The following RPS6KA5 variants were observed in gnomAD, a reference collection of about 807,000 sequenced individuals.
RPS6KA5 encodes ribosomal protein S6 kinase alpha-5.
RPS6KA5 carries 27 observed loss-of-function variants against 85.5 expected under a neutral mutation model. The observed-to-expected ratio is 0.32, with a 90% CI of 0.23 to 0.44. The LOEUF (loss-of-function observed/expected upper bound fraction) is 0.44. RPS6KA5 is among the 20% of genes least tolerant of loss of function. RPS6KA5 has a pLI of 1.00. For missense variants in RPS6KA5, 811 were observed against 980.9 expected, an observed-to-expected ratio of 0.83 and a Z score of 2.31; for synonymous variants, 334 against 348.2, an observed-to-expected ratio of 0.96 and a Z score of 0.46.
rs1477429043 is a variant in RPS6KA5, at chr14:91,044,364, AG to A, written c.103+15967del. Among the ~76,000 whole-genome samples the A allele has an allele frequency of 4.1e-3, 57 of 13,876 alleles. 5 individuals carry two copies. The highest frequency in any genetic ancestry group is 0.038 in the East Asian group (4 of 106). The allele number at this position is 13,876 out of a possible 152,430, so 9.1% of individuals were successfully genotyped here. A position where few individuals can be genotyped will look rare whatever the true frequency, so the allele number is the denominator to read the frequency against. On this transcript the variant is annotated intron_variant, in intron 1 of 16. Transcript: ENST00000614987. The stretch of plus-strand genomic sequence containing the variant: ...CAAAGAAAGAAAGAAAGAAAGAAAG[AG>A]AAAGAAAGAAGGAAAGAAAGAAAGA...
chr14:90,950,885 C>G (rs1319262003), intron 3 of RPS6KA5, among the ~76,000 whole-genome samples: 1 of 152,078 alleles, frequency 6.6e-6, no homozygotes, highest in African/African-American at 2.4e-5. Flanking sequence ...CTTTGGGAGG[C>G]TGAGGCAGGC....
chr14:91,044,044 T>C (rs2042704257), intron 1 of RPS6KA5, among the ~76,000 whole-genome samples: 2 of 151,884 alleles, frequency 1.3e-5, no homozygotes, highest in African/African-American at 4.8e-5. Flanking sequence ...CTGGCCAATA[T>C]GGTGAAACCC....
At chr14:90,930,133 A>AATC (rs1447428150) in intron 5 of RPS6KA5, among the ~76,000 whole-genome samples, 1 of 152,182 alleles carries the variant, frequency 6.6e-6, no homozygotes. Context: ...CAGCTTCCCA[A>AATC]AGTGCTGAGA....
At chr14:91,056,524 G>A (rs1206585323) in intron 1 of RPS6KA5, among the ~76,000 whole-genome samples, 1 of 152,146 alleles carries the variant, frequency 6.6e-6, no homozygotes, top group Admixed American at 6.5e-5. Context: ...ACAGTAGTGG[G>A]GAAGAATAAA....
At chr14:91,000,501 A>C (rs2040737557) in intron 2 of RPS6KA5, among the ~76,000 whole-genome samples, 1 of 152,158 alleles carries the variant, frequency 6.6e-6, no homozygotes, top group Non-Finnish European at 1.5e-5. Flanking sequence ...TGATTTTTTA[A>C]AATATTGTGT....
At chr14:90,985,151 C>G (rs928115776) in intron 2 of RPS6KA5, among the ~76,000 whole-genome samples, 1 of 152,158 alleles carries the variant, frequency 6.6e-6, no homozygotes, top group Non-Finnish European at 1.5e-5. Flanking sequence ...CCATGTTAGT[C>G]AGGCTGGTCT....
In RPS6KA5 at chr14:91,030,423, T is replaced by C. The variant is rs563865983; in HGVS notation, c.104-29264A>G. Among the ~76,000 whole-genome samples the C allele has an allele frequency of 1.4e-4, 22 of 151,828 alleles. No individual in the cohort carries two copies. In the East Asian group the frequency reaches 4.3e-3, roughly 29 times the overall value. On this transcript the variant is annotated intron_variant, in intron 1 of 16. Transcript: ENST00000614987. ...TCCAGAGGATCCTTTTATGGAAAAATGAACAAACTTGGGTAAAAGTTGTTG... is the reference window on the plus strand; with the variant it reads ...TCCAGAGGATCCTTTTATGGAAAAACGAACAAACTTGGGTAAAAGTTGTTG...
intron 3 of RPS6KA5, among the ~76,000 whole-genome samples, chr14:90,952,384 C>T (rs901131329): frequency 6.6e-6 from 1 of 152,164 alleles, no homozygotes; most frequent in African/African-American, 2.4e-5. Context: ...GGGAATCTTC[C>T]CCCTCAGTAC....
At chr14:91,036,420 G>T (rs2042412812) in intron 1 of RPS6KA5, among the ~76,000 whole-genome samples, 1 of 152,154 alleles carries the variant, frequency 6.6e-6, no homozygotes, top group Non-Finnish European at 1.5e-5. Flanking sequence ...TCCTTTATTT[G>T]TAACAGGATG....
At position 90,853,713 on chromosome 14, in the gene RPS6KA5, C is replaced by T. The variant is rs2032134859; in HGVS notation, c.*18361G>A. ...CCTAAAATTTAACACTATGAAGTCTCTATATTAAATCAAAATCGTAACCAT... is the reference window on the plus strand; with the variant it reads ...CCTAAAATTTAACACTATGAAGTCTTTATATTAAATCAAAATCGTAACCAT... On this transcript the variant is annotated 3_prime_UTR_variant, in exon 17 of 17. Coordinates refer to ENST00000614987, the MANE Select transcript of RPS6KA5 (RefSeq NM_004755.4). The T allele has an allele frequency of 6.6e-6, 1 of 150,520 alleles. No individual in the cohort carries two copies. The highest frequency in any genetic ancestry group is 2.1e-4 in the South Asian group (1 of 4,722). The allele number at this position is 150,520 out of a possible 1,614,324, so 9.3% of individuals were successfully genotyped here.
intron 1 of RPS6KA5, among the ~76,000 whole-genome samples, chr14:91,039,837 G>A (rs975407140): frequency 4.6e-5 from 7 of 152,086 alleles, no homozygotes; most frequent in Admixed American, 3.3e-4. Flanking sequence ...ACATAGGTGT[G>A]CTGTGAAAAT....
rs1386555989 is a variant in RPS6KA5 at position 90,849,850 on chromosome 14, G to A, written c.*22224C>T. ...TGTCCTCAAACCTGACGTAGTAAAG[G>A]AAAATCAACACATTGTCTCACAGCT... On this transcript the variant is annotated 3_prime_UTR_variant, in exon 17 of 17. Coordinates refer to ENST00000614987, the MANE Select transcript of RPS6KA5 (RefSeq NM_004755.4). 1.3e-5 allele frequency: 2 copies of A among 152,196 alleles called. No homozygotes were observed. Among genetic ancestry groups the A allele is most frequent in the Middle Eastern group, 3.1e-3 (1 of 318 alleles). The allele number at this position is 152,196 out of a possible 1,614,324, so 9.4% of individuals were successfully genotyped here.
At chr14:91,042,749 C>G (rs1384950215) in intron 1 of RPS6KA5, among the ~76,000 whole-genome samples, 1 of 133,156 alleles carries the variant, frequency 7.5e-6, no homozygotes, top group Non-Finnish European at 1.6e-5. Context: ...CCTAACCCCC[C>G]AGGTGCACAA....
At chr14:90,990,757 G>A (rs1459486269) in intron 2 of RPS6KA5, among the ~76,000 whole-genome samples, 1 of 152,042 alleles carries the variant, frequency 6.6e-6, no homozygotes, top group Non-Finnish European at 1.5e-5. Flanking sequence ...TACAGCTGGA[G>A]ACCATTTTCC....
intron 1 of RPS6KA5, among the ~76,000 whole-genome samples, chr14:91,048,057 T>C (rs531434169): frequency 1.3e-5 from 2 of 152,336 alleles, no homozygotes; most frequent in East Asian, 1.9e-4. Context: ...TCTTTTGCCA[T>C]GTAAGACAAC....
Position 90,851,584 on chromosome 14 carries a change from A to G in RPS6KA5, c.*20490T>C, listed in dbSNP as rs1187342982. 1 of 152,222 alleles carries G rather than the reference A, an allele frequency of 6.6e-6. No homozygotes were observed. Among genetic ancestry groups the G allele is most frequent in the Non-Finnish European group, 1.5e-5 (1 of 68,034 alleles). 9.4% of individuals were successfully genotyped at this position (152,222 alleles called of 1,614,324 possible). A position where few individuals can be genotyped will look rare whatever the true frequency, so the allele number is the denominator to read the frequency against. On this transcript the variant is annotated 3_prime_UTR_variant, in exon 17 of 17. Coordinates refer to ENST00000614987, the MANE Select transcript of RPS6KA5 (RefSeq NM_004755.4). ...AAGTCTGCAGCTAAGCTGGAAATAA[A>G]GTACCAAACTGCCTTTTCCACAAAA...
At position 90,869,814 on chromosome 14, in the gene RPS6KA5, A is replaced by T. The variant is rs571907738; in HGVS notation, c.*2260T>A. On this transcript the variant is annotated 3_prime_UTR_variant, in exon 17 of 17. Coordinates refer to ENST00000614987, the MANE Select transcript of RPS6KA5 (RefSeq NM_004755.4). ...TGCTGTCTTTTTGGTACTTATAAGT[A>T]GGGTGTAGATAAAGATATTTGACAA... 15 of 152,348 alleles carry T rather than the reference A, an allele frequency of 9.8e-5. No homozygotes were observed. Among genetic ancestry groups the T allele is most frequent in the African/African-American group, 3.6e-4 (15 of 41,590 alleles). 9.4% of individuals were successfully genotyped at this position (152,348 alleles called of 1,614,324 possible).
intron 3 of RPS6KA5, among the ~76,000 whole-genome samples, chr14:90,963,278 A>G (rs951051839): frequency 2.6e-5 from 4 of 152,240 alleles, no homozygotes; most frequent in African/African-American, 9.6e-5. Flanking sequence ...CATCTCAGGA[A>G]GCACGGATGT....
At chr14:90,947,572 C>A in intron 3 of RPS6KA5, 22 bp from the exon 4 acceptor site, 2 of 1,343,918 alleles carry the variant, frequency 1.5e-6, no homozygotes, top group Non-Finnish European at 2.1e-6. Flanking sequence ...ATACATTTTT[C>A]TTTCTTAAAC....
Sources: allele counts gnomAD v4.1 joint callset (sites outside exome capture counted in the v4.1 genomes callset), GRCh38; gene constraint gnomAD v4.1.1; transcripts MANE v1.5; gene names NCBI Gene and HGNC (gene_info 2026-07-23, HGNC 2026-07-21).